Variants in PCDH11Y observed in about 807,000 individuals in gnomAD.
The protein encoded by PCDH11Y is protocadherin 11 Y-linked.
For missense variants in PCDH11Y, 12 were observed against 224.8 expected (o/e 0.05, Z 6.05); for synonymous variants, 9 against 83.6 (o/e 0.11, Z 4.87).
intron 3 of PCDH11Y, among the ~76,000 whole-genome samples, chrY:5,534,749 A>C (rs1602939478): frequency 6.0e-5 from 2 of 33,397 alleles, no homozygotes; most frequent in East Asian, 1.6e-3. Context: ...CGGTAATTCT[A>C]CTTTAAGTTA....
chrY:5,096,438 C>CGT (rs367616063), intron 1 of PCDH11Y, among the ~76,000 whole-genome samples: 227 of 19,758 alleles, frequency 0.011, no homozygotes, highest in Middle Eastern at 0.041. Context: ...TTTAGATGTA[C>CGT]GTGTGTGTGT....
intron 4 of PCDH11Y, among the ~76,000 whole-genome samples, chrY:5,685,945 A>T (rs1602959907): frequency 5.9e-5 from 2 of 33,849 alleles, no homozygotes; most frequent in African/African-American, 2.3e-4. Context: ...TTTAACTTTA[A>T]CATCTCCCTT....
intron 3 of PCDH11Y, among the ~76,000 whole-genome samples, chrY:5,548,531 G>T: frequency 3.1e-5 from 1 of 32,049 alleles, no homozygotes; most frequent in Admixed American, 2.9e-4. Flanking sequence ...CCCCAATATT[G>T]CTAGAGAGGC....
At chrY:5,121,857 GAAATA>G (rs2052818705) in intron 2 of PCDH11Y, among the ~76,000 whole-genome samples, 1 of 32,659 alleles carries the variant, frequency 3.1e-5, no homozygotes, top group Non-Finnish European at 7.5e-5. Flanking sequence ...AAAAAGAAAG[GAAATA>G]AAATGAAGAC....
chrY:5,076,134 G>C, intron 1 of PCDH11Y, among the ~76,000 whole-genome samples: 1 of 33,676 alleles, frequency 3.0e-5, no homozygotes, highest in Admixed American at 2.7e-4. Flanking sequence ...TCTTATTGTA[G>C]TTTTGATTTG....
chrY:5,591,162 G>A, intron 4 of PCDH11Y, among the ~76,000 whole-genome samples: 1 of 32,397 alleles, frequency 3.1e-5, no homozygotes, highest in Non-Finnish European at 7.5e-5. Flanking sequence ...AGGGAAGGAG[G>A]TGATTGGATC....
intron 3 of PCDH11Y, among the ~76,000 whole-genome samples, chrY:5,505,650 CAT>C (rs2053358432): frequency 3.0e-5 from 1 of 33,061 alleles, no homozygotes; most frequent in Admixed American, 2.8e-4. Flanking sequence ...GAGTTTATCT[CAT>C]GTTAGCAAAT....
intron 2 of PCDH11Y, among the ~76,000 whole-genome samples, chrY:5,410,437 A>G: frequency 3.1e-5 from 1 of 32,706 alleles, no homozygotes; most frequent in African/African-American, 1.2e-4. Context: ...AGATTTTCCT[A>G]TGGTGAATCA....
chrY:5,310,266 A>C, intron 2 of PCDH11Y, among the ~76,000 whole-genome samples: 1 of 32,873 alleles, frequency 3.0e-5, no homozygotes, highest in Non-Finnish European at 7.4e-5. Flanking sequence ...TTTCTTCCCA[A>C]ATAACACCTA....
At chrY:5,481,166 C>T in intron 2 of PCDH11Y, among the ~76,000 whole-genome samples, 1 of 32,483 alleles carries the variant, frequency 3.1e-5, no homozygotes, top group African/African-American at 1.2e-4. Flanking sequence ...AAACCCAGGG[C>T]CCTGGTGGTA....
At chrY:5,443,596 A>G in intron 2 of PCDH11Y, among the ~76,000 whole-genome samples, 1 of 33,304 alleles carries the variant, frequency 3.0e-5, no homozygotes, top group Non-Finnish European at 7.5e-5. Flanking sequence ...TGATTTAGCA[A>G]TCTCTCTGCT....
rs2124670759 is a variant in PCDH11Y at position 5,355,062 on chromosome Y, A to G, written c.3130-145995A>G. Reference sequence around the variant, plus strand: ...GATCACCTGAGGTCAGGAGTTCGAGACCAGCCTGACCAACATGGAGAAACC... The same window carrying G: ...GATCACCTGAGGTCAGGAGTTCGAGGCCAGCCTGACCAACATGGAGAAACC... On this transcript the variant is annotated intron_variant, in intron 2 of 4. Coordinates refer to the PCDH11Y transcript ENST00000400457. 9.3e-5 allele frequency among the ~76,000 whole-genome samples: 3 copies of G among 32,374 alleles called. No individual in the cohort carries two copies. The South Asian group carries it at 2.1e-3, about 23-fold the overall frequency. 86.9% of individuals were successfully genotyped at this position (32,374 alleles called of 37,273 possible).
At chrY:5,135,587 T>C (rs2052838260) in intron 2 of PCDH11Y, among the ~76,000 whole-genome samples, 2 of 32,688 alleles carry the variant, frequency 6.1e-5, no homozygotes, top group Admixed American at 2.8e-4. Context: ...CCCATTGGCC[T>C]GAGAACCACC....
At chrY:5,383,451 T>A in intron 2 of PCDH11Y, among the ~76,000 whole-genome samples, 1 of 29,868 alleles carries the variant, frequency 3.3e-5, no homozygotes, top group African/African-American at 1.3e-4. Context: ...TAAGTTTAGA[T>A]CATGCCACTG....
intron 2 of PCDH11Y, among the ~76,000 whole-genome samples, chrY:5,321,001 T>C (rs2053112159): frequency 3.0e-5 from 1 of 33,051 alleles, no homozygotes; most frequent in Non-Finnish European, 7.4e-5. Flanking sequence ...TGTATGTGTA[T>C]GTGTTTGTGT....
chrY:5,216,525 G>GT (rs1206933768), intron 2 of PCDH11Y, among the ~76,000 whole-genome samples: 3 of 28,611 alleles, frequency 1.0e-4, no homozygotes, highest in East Asian at 9.5e-4. Flanking sequence ...TGTCACTTAA[G>GT]TTTTTTTTTT....
intron 2 of PCDH11Y, among the ~76,000 whole-genome samples, chrY:5,195,738 G>T: frequency 3.0e-5 from 1 of 32,825 alleles, no homozygotes; most frequent in Non-Finnish European, 7.5e-5. Flanking sequence ...AAGGAGCAGA[G>T]AATTCATTTA....
At chrY:5,740,762 G>A (rs1602966353) in exon 5 of PCDH11Y, 3 of 33,961 alleles carry the variant, frequency 8.8e-5, no homozygotes, top group Middle Eastern at 0.014. Flanking sequence ...ACTGCAAAAC[G>A]TCTTACTGAA....
At chrY:5,006,577 A>G (rs2052540066) in intron 1 of PCDH11Y, among the ~76,000 whole-genome samples, 1 of 33,619 alleles carries the variant, frequency 3.0e-5, no homozygotes, top group South Asian at 6.6e-4. Flanking sequence ...CATCAAAGAC[A>G]TATATACATG....
Sources: allele counts gnomAD v4.1 joint callset (sites outside exome capture counted in the v4.1 genomes callset), GRCh38; gene constraint gnomAD v4.1.1; transcripts MANE v1.5; gene names NCBI Gene and HGNC (gene_info 2026-07-23, HGNC 2026-07-21).